Variants in KCNAB2 observed in about 807,000 individuals in gnomAD.
KCNAB2 encodes voltage-gated potassium channel subunit beta-2.
A neutral mutation model predicts 63.6 loss-of-function variants in KCNAB2; 29 were observed. That is an observed-to-expected ratio of 0.46 (90% CI 0.34 to 0.62). The LOEUF (loss-of-function observed/expected upper bound fraction) is 0.62. KCNAB2 is among the 20% of genes least tolerant of loss of function. The probability of loss-of-function intolerance (pLI) is 0.01; values close to 1 mark genes in which losing one functional copy is unlikely to be tolerated. For missense variants in KCNAB2, 359 were observed against 563.9 expected (o/e 0.64, Z 3.68); for synonymous variants, 222 against 224.2 (o/e 0.99, Z 0.09).
intron 1 of KCNAB2, among the ~76,000 whole-genome samples, chr1:6,020,227 C>T (rs1658742957): frequency 6.6e-6 from 1 of 152,142 alleles, no homozygotes. Flanking sequence ...GTCGTTGATC[C>T]TTATGTTGTA....
At chr1:6,047,558 G>A (rs1228842337) in intron 1 of KCNAB2, among the ~76,000 whole-genome samples, 7 of 152,172 alleles carry the variant, frequency 4.6e-5, no homozygotes, top group African/African-American at 1.7e-4. Context: ...GAGCTGCTGG[G>A]TCTGAGGTAG....
rs749130612 is a variant in KCNAB2, at chr1:6,100,716, CA to C, written c.*2143del. 1 of 152,436 alleles carries C rather than the reference CA, an allele frequency of 6.6e-6. No individual in the cohort carries two copies. Among genetic ancestry groups the C allele is most frequent in the Non-Finnish European group, 1.5e-5 (1 of 68,090 alleles). 9.4% of individuals were successfully genotyped at this position (152,436 alleles called of 1,614,324 possible). ...AGTCAGCCTCTGGCGCAGCTCTTTC[CA>C]CGACCTGGTTCCTGGATGTCCTGCT... On this transcript the variant is annotated 3_prime_UTR_variant, in exon 16 of 16. Transcript: ENST00000378083.
intron 1 of KCNAB2, among the ~76,000 whole-genome samples, chr1:6,017,881 TGGA>T (rs1318255393): frequency 4.0e-5 from 6 of 151,496 alleles, no homozygotes; most frequent in African/African-American, 1.2e-4. Flanking sequence ...GCTGTGTTCC[TGGA>T]GGAGATGTTG....
chr1:6,046,384 G>A (rs1557447139), intron 1 of KCNAB2, among the ~76,000 whole-genome samples: 1 of 152,198 alleles, frequency 6.6e-6, no homozygotes, highest in Non-Finnish European at 1.5e-5. Flanking sequence ...CGTGATGGAT[G>A]GGGTGGTGGG....
intron 2 of KCNAB2, among the ~76,000 whole-genome samples, chr1:6,063,409 ATTTTTTTTTTTTT>A (rs34378538): frequency 7.3e-6 from 1 of 137,734 alleles, no homozygotes; most frequent in South Asian, 2.3e-4. Flanking sequence ...TGTGCCAGTA[ATTTTTTTTTTTTT>A]TTTTTGAGAC....
Position 6,028,338 on chromosome 1 carries a change from G to A in KCNAB2, c.-52-12179G>A, listed in dbSNP as rs1570894699. Among the ~76,000 whole-genome samples, 1 of 152,216 alleles carries A rather than the reference G, an allele frequency of 6.6e-6. No individual in the cohort carries two copies. Among genetic ancestry groups the A allele is most frequent in the East Asian group, 1.9e-4 (1 of 5,198 alleles). The stretch of plus-strand genomic sequence containing the variant: ...ACAGTCACTGCCATGGCTCCTCTAG[G>A]CTCTGGCACGCAGAACAAGCAGACC... On this transcript the variant is annotated intron_variant, in intron 1 of 16. Transcript: ENST00000341524. The surrounding 1 kb of genome is among the most constrained non-coding windows in gnomAD (Gnocchi z 4.0).
intron 2 of KCNAB2, chr1:6,040,728 C>A (rs777687172): frequency 5.8e-6 from 5 of 855,592 alleles, no homozygotes; most frequent in Non-Finnish European, 9.6e-6. Context: ...CTGTCCTCCC[C>A]TCTGGAGGTG....
At chr1:6,084,676 C>T (rs550377180) in intron 5 of KCNAB2, among the ~76,000 whole-genome samples, 58 of 152,158 alleles carry the variant, frequency 3.8e-4, no homozygotes, top group African/African-American at 1.3e-3. Flanking sequence ...ATTAGCCGGG[C>T]GTGGTGGCAG....
chr1:6,092,352 C>A (rs1382429713), intron 10 of KCNAB2, among the ~76,000 whole-genome samples: 1 of 152,224 alleles, frequency 6.6e-6, no homozygotes, highest in African/African-American at 2.4e-5. Flanking sequence ...CAGCCAGAGG[C>A]TCCTGCCCCG....
intron 1 of KCNAB2, among the ~76,000 whole-genome samples, chr1:6,013,216 T>C (rs1413546236): frequency 2.0e-5 from 3 of 152,078 alleles, no homozygotes; most frequent in African/African-American, 7.2e-5. Context: ...GTTCCGGGCA[T>C]GAGGGATTCA....
chr1:6,098,545 C>A lies in KCNAB2; in HGVS notation c.1219C>A (p.Pro407Thr). The A allele has an allele frequency of 1.2e-6, 2 of 1,614,008 alleles. No individual in the cohort carries two copies. Among genetic ancestry groups the A allele is most frequent in the South Asian group, 1.1e-5 (1 of 91,084 alleles). ...HEIDSILGNK[P>T]YSKKDYRS ...GATTGATAGTATTTTGGGCAATAAACCCTACAGCAAAAAGGACTACAGATC... is the reference window on the plus strand; with the variant it reads ...GATTGATAGTATTTTGGGCAATAAAACCTACAGCAAAAAGGACTACAGATC... Residue 407 changes from proline to threonine, a missense_variant, in exon 16 of 16, where the codon CCC (proline) becomes ACC (threonine). Physicochemically the swap from Pro to Thr is conservative, Grantham distance 38. Transcript: ENST00000378083.
chr1:6,054,494 G>T (rs1427864543), intron 2 of KCNAB2, among the ~76,000 whole-genome samples: 1 of 152,182 alleles, frequency 6.6e-6, no homozygotes, highest in African/African-American at 2.4e-5. Flanking sequence ...ACCAGTCGTG[G>T]TGGCGGGCAC....
rs1419751025 is a variant in KCNAB2 at position 6,100,190 on chromosome 1, CAGAA to C, written c.*1619_*1622del. 8.7e-7 allele frequency: 1 copy of C among 1,151,292 alleles called. No homozygotes were observed. The highest frequency in any genetic ancestry group is 1.2e-6 in the Non-Finnish European group (1 of 864,724). The allele number at this position is 1,151,292 out of a possible 1,614,324, so 71.3% of individuals were successfully genotyped here. ...CCAAGGCCTGGGAAACTGTGAAAGT[CAGAA>C]AGGCCAGCGGGGAGAGGCTGGGGCG... On this transcript the variant is annotated 3_prime_UTR_variant, in exon 16 of 16. Transcript: ENST00000378083.
chr1:6,040,141 G>C (rs1242176255), intron 1 of KCNAB2, among the ~76,000 whole-genome samples: 1 of 152,234 alleles, frequency 6.6e-6, no homozygotes, highest in African/African-American at 2.4e-5. Flanking sequence ...AGCTCAGAAA[G>C]TACACAGATG....
At chr1:6,068,642 C>T (rs1360359148) in intron 2 of KCNAB2, among the ~76,000 whole-genome samples, 1 of 152,164 alleles carries the variant, frequency 6.6e-6, no homozygotes, top group East Asian at 1.9e-4. Flanking sequence ...CCATCGGGCA[C>T]CCCCGCCCCG....
chr1:6,094,499 G>T lies in KCNAB2; in HGVS notation c.732+14G>T, dbSNP rs768766663. ...ATGGAGATCATGGTACGGTGGCCGC[G>T]CAGCATGTGTGTGTCCAGGCACAGA... On this transcript the variant is annotated intron_variant, in intron 11 of 15. Coordinates refer to ENST00000378083, the MANE Select transcript of KCNAB2 (RefSeq NM_001199862.2). The T allele has an allele frequency of 6.3e-7, 1 of 1,598,464 alleles. No individual in the cohort carries two copies. Among genetic ancestry groups the T allele is most frequent in the South Asian group, 1.1e-5 (1 of 89,236 alleles).
At chr1:5,996,941 G>T (rs976041887) in intron 1 of KCNAB2, among the ~76,000 whole-genome samples, 1 of 152,186 alleles carries the variant, frequency 6.6e-6, no homozygotes, top group Admixed American at 6.5e-5. Context: ...TGGTCCGCAG[G>T]GGTCCTGAGT....
chr1:6,054,004 C>T (rs1180706660), intron 2 of KCNAB2, among the ~76,000 whole-genome samples: 1 of 149,856 alleles, frequency 6.7e-6, no homozygotes, highest in Non-Finnish European at 1.5e-5. Flanking sequence ...ATTTGTGCCA[C>T]TGCACTCCAG....
At chr1:6,079,298 T>C (rs1663993419) in intron 4 of KCNAB2, among the ~76,000 whole-genome samples, 1 of 151,962 alleles carries the variant, frequency 6.6e-6, no homozygotes, top group African/African-American at 2.4e-5. Context: ...GGCGGGCAGA[T>C]CACTTGAGGT....
Sources: allele counts gnomAD v4.1 joint callset (sites outside exome capture counted in the v4.1 genomes callset), GRCh38; gene constraint gnomAD v4.1.1; non-coding constraint Gnocchi (gnomAD v3.1); transcripts MANE v1.5; gene names NCBI Gene and HGNC (gene_info 2026-07-23, HGNC 2026-07-21).